The following NFAT5 variants were observed in gnomAD, a reference collection of about 807,000 sequenced individuals.
NFAT5 encodes nuclear factor of activated T cells 5.
Under a neutral mutation model 166.5 loss-of-function variants are expected in NFAT5, and 31 were observed. The observed-to-expected ratio is 0.19, with a 90% CI of 0.14 to 0.25. NFAT5 has a LOEUF of 0.25. Among genes scored for constraint, NFAT5 ranks in the 10% least tolerant of loss-of-function variants. The pLI, the probability that NFAT5 is intolerant of heterozygous loss-of-function variation, is 1.00. For missense variants in NFAT5, 1,449 were observed against 1,821.8 expected, an observed-to-expected ratio of 0.80 and a Z score of 3.72; for synonymous variants, 612 against 639.7, an observed-to-expected ratio of 0.96 and a Z score of 0.65.
intron 6 of NFAT5, among the ~76,000 whole-genome samples, chr16:69,657,154 G>A (rs1049630908): frequency 6.6e-6 from 1 of 151,540 alleles, no homozygotes; most frequent in Non-Finnish European, 1.5e-5. Context: ...TTTTGGAGAG[G>A]GAGTCTTGCT....
At chr16:69,677,918 C>T (rs559530586) in intron 10 of NFAT5, among the ~76,000 whole-genome samples, 7 of 151,820 alleles carry the variant, frequency 4.6e-5, no homozygotes, top group East Asian at 3.9e-4. Context: ...TTTGGGAGGC[C>T]GAGGCGGGTG....
At chr16:69,599,100 A>T (rs1317136555) in intron 2 of NFAT5, among the ~76,000 whole-genome samples, 1 of 151,212 alleles carries the variant, frequency 6.6e-6, no homozygotes, top group Admixed American at 6.6e-5. Flanking sequence ...GTTGCCAGGG[A>T]TTCAAGGAAT....
intron 2 of NFAT5, among the ~76,000 whole-genome samples, chr16:69,601,431 A>C (rs2033126744): frequency 6.6e-6 from 1 of 152,148 alleles, no homozygotes; most frequent in Non-Finnish European, 1.5e-5. Flanking sequence ...GCAGTGGCGC[A>C]ATCACGGCTC....
intron 2 of NFAT5, among the ~76,000 whole-genome samples, chr16:69,624,935 TG>T (rs1158782663): frequency 6.6e-6 from 1 of 151,848 alleles, no homozygotes; most frequent in Non-Finnish European, 1.5e-5. Context: ...GTTTCGCTCT[TG>T]TTGCCCAGGC....
intron 3 of NFAT5, among the ~76,000 whole-genome samples, chr16:69,644,396 G>A (rs1289603576): frequency 6.6e-6 from 1 of 152,168 alleles, no homozygotes; most frequent in African/African-American, 2.4e-5. Flanking sequence ...TCTATTAAAA[G>A]ATGGTTACTG....
At position 69,568,395 on chromosome 16, in the gene NFAT5, C is replaced by T. The variant is rs1029292386; in HGVS notation, c.74-100C>T. On this transcript the variant is annotated intron_variant, in intron 1 of 14. Coordinates refer to ENST00000349945, the MANE Select transcript of NFAT5 (RefSeq NM_138713.4). ...GTGTGTGTATATATATATATATATACACACACACACATTGCAGTTATATAA... is the reference window on the plus strand; with the variant it reads ...GTGTGTGTATATATATATATATATATACACACACACATTGCAGTTATATAA... The T allele has an allele frequency of 1.4e-3, 514 of 358,026 alleles. 3 individuals are homozygous for T. Among genetic ancestry groups the T allele is most frequent in the South Asian group, 1.9e-3 (60 of 32,154 alleles). The allele number at this position is 358,026 out of a possible 1,614,324, so 22.2% of individuals were successfully genotyped here. A position where few individuals can be genotyped will look rare whatever the true frequency, so the allele number is the denominator to read the frequency against.
intron 2 of NFAT5, among the ~76,000 whole-genome samples, chr16:69,583,690 A>G (rs892624161): frequency 2.6e-5 from 4 of 152,180 alleles, no homozygotes; most frequent in Non-Finnish European, 4.4e-5. Context: ...TAAGCTTCTT[A>G]AGGGCATTGA....
chr16:69,570,835 T>G (rs2016384796), intron 2 of NFAT5, among the ~76,000 whole-genome samples: 1 of 152,128 alleles, frequency 6.6e-6, no homozygotes, highest in Non-Finnish European at 1.5e-5. Flanking sequence ...CCTAATAATT[T>G]AATCTTTTTT....
chr16:69,596,441 C>T (rs1167402256), intron 2 of NFAT5, among the ~76,000 whole-genome samples: 3 of 152,066 alleles, frequency 2.0e-5, no homozygotes, highest in African/African-American at 4.8e-5. Context: ...AAAAGAAGGC[C>T]GGGTGCAGTG....
chr16:69,602,344 A>G (rs2033173865), intron 2 of NFAT5, among the ~76,000 whole-genome samples: 2 of 148,534 alleles, frequency 1.3e-5, no homozygotes, highest in Admixed American at 6.9e-5. Context: ...ATCTCGGCTC[A>G]CTGCAACTGC....
intron 4 of NFAT5, among the ~76,000 whole-genome samples, chr16:69,652,037 A>C (rs952307512): frequency 6.6e-6 from 1 of 152,230 alleles, no homozygotes; most frequent in Admixed American, 6.5e-5. Flanking sequence ...CAGTGCTTCA[A>C]CTATTTTACA....
At chr16:69,666,899 A>G (rs887029372) in intron 7 of NFAT5, among the ~76,000 whole-genome samples, 1 of 152,110 alleles carries the variant, frequency 6.6e-6, no homozygotes, top group Non-Finnish European at 1.5e-5. Context: ...ACTATTCACA[A>G]TAGCAAAGAC....
At chr16:69,625,668 A>G (rs539013451) in intron 2 of NFAT5, among the ~76,000 whole-genome samples, 1 of 152,186 alleles carries the variant, frequency 6.6e-6, no homozygotes, top group South Asian at 2.1e-4. Flanking sequence ...GAGCAGGACT[A>G]TACTAATTGA....
intron 13 of NFAT5, 35 bp downstream of exon 13, chr16:69,694,274 CATT>C (rs776696275): frequency 4.7e-6 from 7 of 1,499,740 alleles, no homozygotes; most frequent in South Asian, 1.2e-5. Flanking sequence ...CTTAATTGGT[CATT>C]ATTATTATTA....
intron 3 of NFAT5, among the ~76,000 whole-genome samples, chr16:69,637,359 C>T (rs1362753158): frequency 6.6e-6 from 1 of 152,226 alleles, no homozygotes; most frequent in Non-Finnish European, 1.5e-5. Context: ...GTTCCAAAGT[C>T]ACTTCTACAT....
At chr16:69,619,919 T>C (rs1305370643) in intron 2 of NFAT5, among the ~76,000 whole-genome samples, 1 of 152,252 alleles carries the variant, frequency 6.6e-6, no homozygotes, top group Non-Finnish European at 1.5e-5. Context: ...CTGCCTACTT[T>C]AAATTTGACC....
intron 2 of NFAT5, among the ~76,000 whole-genome samples, chr16:69,576,625 T>G (rs1436694334): frequency 6.6e-6 from 1 of 152,028 alleles, no homozygotes; most frequent in Non-Finnish European, 1.5e-5. Flanking sequence ...ATCCCAGCAC[T>G]TTGGGAGGCT....
chr16:69,647,170 A>T lies in NFAT5; in HGVS notation c.396A>T (p.Val132=). The change falls in exon 4 of 15, where the codon GTA becomes GTT. Residue 132 remains valine (V), a synonymous_variant. Coordinates refer to ENST00000349945, the MANE Select transcript of NFAT5 (RefSeq NM_138713.4). The surrounding 1 kb of genome is among the most constrained non-coding windows in gnomAD (Gnocchi z 4.8). The stretch of plus-strand genomic sequence containing the variant: ...AGAGCTGCTCCTCAGCCGTGGGGGT[A>T]AGTAACAGAGGGGTAAGTGAAAAGC... ...QVESCSSAVG[V]SNRGVSEKQL... 6.2e-7 allele frequency: 1 copy of T among 1,614,128 alleles called. No homozygotes were observed. The highest frequency in any genetic ancestry group is 8.5e-7 in the Non-Finnish European group (1 of 1,179,988).
chr16:69,644,525 A>C (rs2035352612), intron 3 of NFAT5, among the ~76,000 whole-genome samples: 1 of 152,208 alleles, frequency 6.6e-6, no homozygotes, highest in Non-Finnish European at 1.5e-5. Flanking sequence ...TTAGCTGTCC[A>C]TGGAAAATGT....
Sources: allele counts gnomAD v4.1 joint callset (sites outside exome capture counted in the v4.1 genomes callset), GRCh38; gene constraint gnomAD v4.1.1; non-coding constraint Gnocchi (gnomAD v3.1); transcripts MANE v1.5; gene names NCBI Gene and HGNC (gene_info 2026-07-23, HGNC 2026-07-21).